RSL1D1: variants seen among roughly 807,000 people sequenced by gnomAD.
RSL1D1 encodes the protein ribosomal L1 domain-containing protein 1.
RSL1D1 carries 34 observed loss-of-function variants against 44.6 expected under a neutral mutation model. The ratio of observed to expected loss-of-function variants is 0.76; its 90% CI spans 0.58 to 1.02. The LOEUF (loss-of-function observed/expected upper bound fraction) is 1.02. Among genes scored for constraint, RSL1D1 ranks in the 50% least tolerant of loss-of-function variants. The pLI is 0.00. For synonymous variants in RSL1D1, 271 were observed against 207.4 expected (o/e 1.31, Z -2.63); for missense variants, 767 against 568.1 (o/e 1.35, Z -3.56).
intron 7 of RSL1D1, among the ~76,000 whole-genome samples, chr16:11,840,580 A>G (rs548516294): frequency 6.6e-6 from 1 of 152,306 alleles, no homozygotes; most frequent in South Asian, 2.1e-4. Flanking sequence ...AAACAAAATT[A>G]AAAATTCATT....
chr16:11,833,947 T>G lies in RSL1D1; in HGVS notation c.*3840A>C, dbSNP rs2053700884. The G allele has an allele frequency of 6.6e-6, 1 of 152,178 alleles. No individual in the cohort carries two copies. Among genetic ancestry groups the G allele is most frequent in the Non-Finnish European group, 1.5e-5 (1 of 68,034 alleles). The allele number at this position is 152,178 out of a possible 1,614,324, so 9.4% of individuals were successfully genotyped here. A position where few individuals can be genotyped will look rare whatever the true frequency, so the allele number is the denominator to read the frequency against. On this transcript the variant is annotated 3_prime_UTR_variant, in exon 9 of 9. Transcript: ENST00000571133. ...CAGAACAAAAACGTTACACTCAAAT[T>G]TCTCCCATCAGATCTCATTTGGTTC...
intron 5 of RSL1D1, among the ~76,000 whole-genome samples, chr16:11,842,912 C>G (rs572123254): frequency 2.9e-4 from 41 of 139,450 alleles, no homozygotes; most frequent in Admixed American, 4.7e-4. Flanking sequence ...CATGCCACCA[C>G]GCCCAGCTAA....
chr16:11,845,971 G>C (rs1322004009), intron 5 of RSL1D1, among the ~76,000 whole-genome samples: 1 of 151,884 alleles, frequency 6.6e-6, no homozygotes, highest in Non-Finnish European at 1.5e-5. Flanking sequence ...GGGCTCAAGC[G>C]ATCCTCCTGC....
chr16:11,838,189 T>G, intron 8 of RSL1D1, 76 bp from the exon 9 acceptor site: 4 of 1,166,228 alleles, frequency 3.4e-6, no homozygotes, highest in African/African-American at 1.6e-5. Context: ...GTTACTGTTT[T>G]TATTTGTATT....
chr16:11,850,680 T>G (rs2053830997), intron 1 of RSL1D1, among the ~76,000 whole-genome samples: 2 of 152,074 alleles, frequency 1.3e-5, no homozygotes, highest in Admixed American at 1.3e-4. Context: ...CTCTTCTACT[T>G]AAAGAGATTG....
rs779191856 is a variant in RSL1D1, at chr16:11,837,976, T to G, written c.1284A>C (p.Pro428=). The G allele has an allele frequency of 1.9e-6, 3 of 1,614,176 alleles. No homozygotes were observed. The South Asian group carries it at 3.3e-5, about 18-fold the overall frequency. ...CTTCTTTGATTTTTGGCTTCTTCTC[T>G]GGGCTTTTCCCTGGGGTCTCAGACT... ...AAESETPGKS[P]EKKPKIKEEA... The change falls in exon 9 of 9, where the codon CCA becomes CCC. Residue 428 remains proline (P), a synonymous_variant. Transcript: ENST00000571133.
chr16:11,849,437 G>C (rs1288741886), intron 2 of RSL1D1: 1 of 150,284 alleles, frequency 6.7e-6, no homozygotes, highest in Non-Finnish European at 1.5e-5. Flanking sequence ...CAAAAACATG[G>C]ACTAAACCAA....
chr16:11,838,165 C>T (rs971237370), intron 8 of RSL1D1, 52 bp from the exon 9 acceptor site: 2 of 1,356,632 alleles, frequency 1.5e-6, no homozygotes, highest in Non-Finnish European at 2.0e-6. Flanking sequence ...AAACCTGACA[C>T]TCTAACTCCA....
At position 11,837,811 on chromosome 16, in the gene RSL1D1, T is replaced by A; in HGVS notation, c.1449A>T (p.Lys483Asn). The part of the protein sequence containing the change: ...ASHTPKKWPK[K>N]PKVPQST The stretch of plus-strand genomic sequence containing the variant: ...TTTAGGTCGACTGGGGTACTTTGGG[T>A]TTTTTGGGCCATTTTTTGGGGGTGT... Residue 483 changes from lysine to asparagine, a missense_variant, in exon 9 of 9, where the codon AAA becomes AAT. Transcript: ENST00000571133. The A allele has an allele frequency of 6.2e-7, 1 of 1,609,698 alleles. No individual in the cohort carries two copies. The highest frequency in any genetic ancestry group is 8.5e-7 in the Non-Finnish European group (1 of 1,178,152).
At chr16:11,844,601 C>G (rs1265368473) in intron 5 of RSL1D1, among the ~76,000 whole-genome samples, 2 of 152,202 alleles carry the variant, frequency 1.3e-5, no homozygotes, top group Non-Finnish European at 2.9e-5. Flanking sequence ...TCCTGCCCAC[C>G]AGTACCCTGC....
At position 11,839,918 on chromosome 16, in the gene RSL1D1, T is replaced by C. The variant is rs772543697; in HGVS notation, c.923A>G (p.Gln308Arg). ...KQKERKKKRQQARKTASVLSK... is the reference protein window; with the variant it reads ...KQKERKKKRQRARKTASVLSK... ...AAGAACTGATGCAGTCTTCCTAGCC[T>C]GCTGCCTCTTCTTCTTCCTCTCCTT... Residue 308 changes from glutamine to arginine, a missense_variant, in exon 8 of 9, where the codon CAG (glutamine) becomes CGG (arginine). Coordinates refer to ENST00000571133, the MANE Select transcript of RSL1D1 (RefSeq NM_015659.3). 1.2e-6 allele frequency: 2 copies of C among 1,614,110 alleles called. No homozygotes were observed. Among genetic ancestry groups the C allele is most frequent in the Non-Finnish European group, 1.7e-6 (2 of 1,180,000 alleles).
chr16:11,839,805 T>A lies in RSL1D1; in HGVS notation c.1036A>T (p.Lys346Ter). Reference protein sequence around the residue: ...KKEQTPEHGKKKRGRGKAQVK... With the variant: ...KKEQTPEHGK ...TGGGCTTTTCCTCTGCCACGTTTTT[T>A]CTTCCCATGCTCTGGGGTCTGTTCC... Residue 346 changes from lysine (K) to a stop codon, truncating the protein, a stop_gained, in exon 8 of 9, where the codon AAA becomes TAA. Transcript: ENST00000571133. LOFTEE classifies it high-confidence loss of function. The A allele has an allele frequency of 6.2e-7, 1 of 1,614,204 alleles. No individual in the cohort carries two copies.
chr16:11,841,448 A>T (rs1432893848), intron 7 of RSL1D1: 1 of 349,294 alleles, frequency 2.9e-6, no homozygotes, highest in Non-Finnish European at 5.3e-6. Flanking sequence ...ACAAAAATAA[A>T]AAAAAAATCC....
At chr16:11,848,690 C>T (rs1409371876) in intron 2 of RSL1D1, among the ~76,000 whole-genome samples, 2 of 152,244 alleles carry the variant, frequency 1.3e-5, no homozygotes, top group South Asian at 4.1e-4. Flanking sequence ...GACAGGGTTT[C>T]GCCACATAGC....
At position 11,834,506 on chromosome 16, in the gene RSL1D1, T is replaced by C. The variant is rs2053703714; in HGVS notation, c.*3281A>G. On this transcript the variant is annotated 3_prime_UTR_variant, in exon 9 of 9. Transcript: ENST00000571133. ...AGAATCACACAGTGTTGCAAGATCTTGAACTGACTAGATGATAGGATTACA... is the reference window on the plus strand; with the variant it reads ...AGAATCACACAGTGTTGCAAGATCTCGAACTGACTAGATGATAGGATTACA... The C allele has an allele frequency of 6.6e-6, 1 of 152,256 alleles. No individual in the cohort carries two copies. Among genetic ancestry groups the C allele is most frequent in the Non-Finnish European group, 1.5e-5 (1 of 68,048 alleles). The allele number at this position is 152,256 out of a possible 1,614,324, so 9.4% of individuals were successfully genotyped here. A position where few individuals can be genotyped will look rare whatever the true frequency, so the allele number is the denominator to read the frequency against.
At chr16:11,842,358 C>CA (rs960827330) in intron 5 of RSL1D1, among the ~76,000 whole-genome samples, 2 of 151,520 alleles carry the variant, frequency 1.3e-5, no homozygotes, top group Non-Finnish European at 2.9e-5. Context: ...AAAAAACAAA[C>CA]AAAAAAATCC....
chr16:11,848,645 G>C (rs563480852), intron 2 of RSL1D1, among the ~76,000 whole-genome samples: 12 of 152,126 alleles, frequency 7.9e-5, no homozygotes, highest in Non-Finnish European at 1.5e-4. Flanking sequence ...TACCAGTTGG[G>C]TGTAGGCCCA....
At chr16:11,843,340 G>A (rs1048588655) in intron 5 of RSL1D1, among the ~76,000 whole-genome samples, 2 of 151,696 alleles carry the variant, frequency 1.3e-5, no homozygotes, top group Non-Finnish European at 2.9e-5. Flanking sequence ...CAAAGTGCTG[G>A]GATTACAAGC....
intron 5 of RSL1D1, among the ~76,000 whole-genome samples, chr16:11,844,518 T>C (rs1596441021): frequency 6.6e-6 from 1 of 152,202 alleles, no homozygotes; most frequent in East Asian, 1.9e-4. Context: ...TGACCAACTC[T>C]TCTAGGCTAC....
Sources: allele counts gnomAD v4.1 joint callset (sites outside exome capture counted in the v4.1 genomes callset), GRCh38; gene constraint gnomAD v4.1.1; transcripts MANE v1.5; gene names NCBI Gene and HGNC (gene_info 2026-07-23, HGNC 2026-07-21).